The following TMEM232 variants were observed in gnomAD, a reference collection of about 807,000 sequenced individuals.
TMEM232 encodes transmembrane protein 232.
TMEM232 carries 80 observed loss-of-function variants against 78.8 expected under a neutral mutation model. That is an observed-to-expected ratio of 1.01 (90% CI 0.85 to 1.22). The LOEUF (loss-of-function observed/expected upper bound fraction) is 1.22, where lower values mean the gene tolerates loss of function less well. TMEM232 is among the 50% of genes most tolerant of loss of function. The probability of loss-of-function intolerance (pLI) is 0.00; values close to 1 mark genes in which losing one functional copy is unlikely to be tolerated. For synonymous variants in TMEM232, 297 were observed against 254.3 expected, an observed-to-expected ratio of 1.17 and a Z score of -1.60; for missense variants, 881 against 742.2, an observed-to-expected ratio of 1.19 and a Z score of -2.17.
intron 12 of TMEM232, among the ~76,000 whole-genome samples, chr5:110,466,637 G>C (rs1364949716): frequency 6.7e-6 from 1 of 149,380 alleles, no homozygotes; most frequent in Non-Finnish European, 1.5e-5. Context: ...TTTTGAGATG[G>C]AGTCTTGCTC....
chr5:110,613,146 G>T (rs1045225804), intron 8 of TMEM232, among the ~76,000 whole-genome samples: 1 of 152,046 alleles, frequency 6.6e-6, no homozygotes, highest in South Asian at 2.1e-4. Context: ...GTCCCCCAGC[G>T]AGGCTGCTCT....
At chr5:110,558,943 C>T (rs901457862) in intron 11 of TMEM232, among the ~76,000 whole-genome samples, 6 of 152,160 alleles carry the variant, frequency 3.9e-5, no homozygotes, top group Non-Finnish European at 7.4e-5. Flanking sequence ...CAACCCCATG[C>T]AGGGTTCCCA....
At chr5:110,726,460 G>C (rs1798165405) in intron 1 of TMEM232, among the ~76,000 whole-genome samples, 167 bp downstream of exon 1, 1 of 152,156 alleles carries the variant, frequency 6.6e-6, no homozygotes, top group African/African-American at 2.4e-5. Context: ...GGCCCAGCCT[G>C]GGGTTGCGAG....
intron 1 of TMEM232, among the ~76,000 whole-genome samples, chr5:110,718,687 ACTC>A (rs1797272717): frequency 6.6e-6 from 1 of 150,504 alleles, no homozygotes; most frequent in African/African-American, 2.4e-5. Context: ...TATTTTTTAT[ACTC>A]CTTTCTCTTT....
intron 12 of TMEM232, among the ~76,000 whole-genome samples, chr5:110,513,358 T>C (rs1261177235): frequency 6.6e-6 from 1 of 152,076 alleles, no homozygotes; most frequent in Non-Finnish European, 1.5e-5. Context: ...AGATAAGCTA[T>C]GGAATGGCAG....
intron 12 of TMEM232, among the ~76,000 whole-genome samples, chr5:110,493,745 T>A (rs952206732): frequency 6.6e-6 from 1 of 152,026 alleles, no homozygotes; most frequent in Non-Finnish European, 1.5e-5. Flanking sequence ...TTTTTTATGA[T>A]ATAGGTATGA....
Position 110,571,391 on chromosome 5 carries a change from T to C in TMEM232, c.1277-2766A>G, listed in dbSNP as rs538415162. Among the ~76,000 whole-genome samples, 10 of 152,100 alleles carry C rather than the reference T, an allele frequency of 6.6e-5. No homozygotes were observed. In the East Asian group the frequency reaches 1.9e-3, roughly 30 times the overall value. ...GAACACAAGCTTTCAAGGACAAAAC[T>C]GGGAAAGTCCACAGCAAATCAAGAC... On this transcript the variant is annotated intron_variant, in intron 10 of 13. Coordinates refer to ENST00000455884, the MANE Select transcript of TMEM232 (RefSeq NM_001039763.4).
At chr5:110,479,552 T>C (rs1763635891) in intron 12 of TMEM232, among the ~76,000 whole-genome samples, 2 of 151,924 alleles carry the variant, frequency 1.3e-5, no homozygotes, top group East Asian at 1.9e-4. Flanking sequence ...ATAAAGTATA[T>C]ATCATTTTTA....
At chr5:110,545,670 G>A (rs1282939509) in intron 11 of TMEM232, among the ~76,000 whole-genome samples, 1 of 151,956 alleles carries the variant, frequency 6.6e-6, no homozygotes, top group Non-Finnish European at 1.5e-5. Context: ...TAGGGATATG[G>A]AAATATCATT....
chr5:110,542,144 G>C (rs145440094), intron 11 of TMEM232, among the ~76,000 whole-genome samples: 32 of 152,210 alleles, frequency 2.1e-4, no homozygotes, highest in Middle Eastern at 3.4e-3. Flanking sequence ...AAGACCCGAA[G>C]TTCCTGTTTA....
Position 110,618,575 on chromosome 5 carries a change from C to T in TMEM232, c.769-13G>A, listed in dbSNP as rs1783232395. On this transcript the variant is annotated splice_polypyrimidine_tract_variant and intron_variant, in intron 7 of 13. Transcript: ENST00000455884. ...TTTCATATCCTCCCTGATTAAATTG[C>T]AAATGTTTCAGGAATTAAAATATAA... The T allele has an allele frequency of 6.5e-7, 1 of 1,533,396 alleles. No individual in the cohort carries two copies. Among genetic ancestry groups the T allele is most frequent in the Non-Finnish European group, 8.8e-7 (1 of 1,142,000 alleles). 95.0% of individuals were successfully genotyped at this position (1,533,396 alleles called of 1,614,324 possible).
chr5:110,582,734 C>T (rs778708246), intron 10 of TMEM232, among the ~76,000 whole-genome samples: 19 of 151,780 alleles, frequency 1.3e-4, no homozygotes, highest in African/African-American at 1.5e-4. Flanking sequence ...TGTTTGCAGA[C>T]GACATAATCT....
intron 1 of TMEM232, among the ~76,000 whole-genome samples, chr5:110,723,938 G>A (rs1797906336): frequency 6.6e-6 from 1 of 152,112 alleles, no homozygotes; most frequent in African/African-American, 2.4e-5. Flanking sequence ...GAGATGACCA[G>A]GAAGATGAAA....
At chr5:110,496,553 C>G (rs192923626) in intron 12 of TMEM232, among the ~76,000 whole-genome samples, 291 of 151,982 alleles carry the variant, frequency 1.9e-3, no homozygotes, top group African/African-American at 6.9e-3. Flanking sequence ...CTATAATTTT[C>G]TTAATAAAAT....
At chr5:110,391,545 T>C (rs369147469) in intron 3 of TMEM232, among the ~76,000 whole-genome samples, 114 of 152,186 alleles carry the variant, frequency 7.5e-4, no homozygotes, top group African/African-American at 2.6e-3. Flanking sequence ...TAATATTAAT[T>C]GGACAGGAAA....
chr5:110,709,982 C>A (rs1047953346), intron 1 of TMEM232, among the ~76,000 whole-genome samples: 2 of 151,652 alleles, frequency 1.3e-5, no homozygotes, highest in East Asian at 3.9e-4. Context: ...ACCATGAAAG[C>A]CAGTTTTTTG....
At chr5:110,638,387 T>C (rs1428378109) in intron 4 of TMEM232, 32 bp from the exon 5 acceptor site, 6 of 1,499,174 alleles carry the variant, frequency 4.0e-6, no homozygotes, top group Non-Finnish European at 5.4e-6. Flanking sequence ...AACTGCATCA[T>C]TTGAAAATCA....
At chr5:110,464,832 G>GTATCTATCTATGTATCTATCTGTGTATC (rs1761905532) in intron 12 of TMEM232, among the ~76,000 whole-genome samples, 1 of 152,002 alleles carries the variant, frequency 6.6e-6, no homozygotes, top group African/African-American at 2.4e-5. Flanking sequence ...ATCTATCTGT[G>GTATCTATCTATGTATCTATCTGTGTATC]TATCTATCTA....
chr5:110,660,635 T>C (rs182608153), intron 2 of TMEM232, among the ~76,000 whole-genome samples: 3 of 152,258 alleles, frequency 2.0e-5, no homozygotes, highest in Admixed American at 6.5e-5. Context: ...AAAAATATTA[T>C]ACTTTTTAAA....
Sources: gnomAD v4.1 joint callset for allele counts (sites outside exome capture counted in the v4.1 genomes callset) on GRCh38, gnomAD v4.1.1 for gene constraint, MANE v1.5 for transcripts, NCBI Gene and HGNC (gene_info 2026-07-23, HGNC 2026-07-21) for gene names.